The following UBE2R2 variants were observed in gnomAD, a reference collection of about 807,000 sequenced individuals.
UBE2R2 encodes the protein ubiquitin-conjugating enzyme E2 R2.
UBE2R2 carries 1 observed loss-of-function variant against 27.8 expected under a neutral mutation model. The observed-to-expected ratio is 0.04, with a 90% CI of 0.01 to 0.17. UBE2R2 has a LOEUF of 0.17. Among genes scored for constraint, UBE2R2 ranks in the 10% least tolerant of loss-of-function variants. The pLI, the probability that UBE2R2 is intolerant of heterozygous loss-of-function variation, is 1.00. For synonymous variants in UBE2R2, 106 were observed against 113.3 expected (o/e 0.94, Z 0.41); for missense variants, 100 against 291.0 (o/e 0.34, Z 4.78).
At chr9:33,890,503 G>C (rs1821955991) in intron 2 of UBE2R2, among the ~76,000 whole-genome samples, 1 of 151,764 alleles carries the variant, frequency 6.6e-6, no homozygotes, top group African/African-American at 2.4e-5. Flanking sequence ...GGGAGGCAGA[G>C]GTTGCAGTGA....
intron 1 of UBE2R2, among the ~76,000 whole-genome samples, chr9:33,851,475 T>C (rs1820965492): frequency 6.6e-6 from 1 of 152,134 alleles, no homozygotes; most frequent in African/African-American, 2.4e-5. Flanking sequence ...CAGCCTGTAA[T>C]TGTTCCTTAG....
chr9:33,904,618 G>C (rs1326558896), intron 3 of UBE2R2, among the ~76,000 whole-genome samples: 1 of 152,202 alleles, frequency 6.6e-6, no homozygotes, highest in Admixed American at 6.5e-5. Context: ...AAGTCAGTCT[G>C]TATTATCAGA....
intron 1 of UBE2R2, among the ~76,000 whole-genome samples, chr9:33,877,823 G>GTCTGTCTGTCTCTCTCTCTC: frequency 3.8e-5 from 5 of 131,124 alleles, no homozygotes; most frequent in African/African-American, 1.3e-4. Flanking sequence ...CTGTCTGTCT[G>GTCTGTCTGTCTCTCTCTCTC]TCTCTCTCTC....
intron 1 of UBE2R2, among the ~76,000 whole-genome samples, chr9:33,839,616 A>T (rs570352961): frequency 5.3e-5 from 8 of 152,296 alleles, no homozygotes; most frequent in Non-Finnish European, 1.2e-4. Context: ...GCAAGAAGGC[A>T]TCGTATATGA....
intron 1 of UBE2R2, among the ~76,000 whole-genome samples, chr9:33,832,505 A>G (rs1336332874): frequency 1.3e-5 from 2 of 151,830 alleles, no homozygotes; most frequent in Non-Finnish European, 2.9e-5. Context: ...AAATACAAAA[A>G]AATTAGCTGC....
At chr9:33,858,527 G>A (rs1821156576) in intron 1 of UBE2R2, among the ~76,000 whole-genome samples, 1 of 151,998 alleles carries the variant, frequency 6.6e-6, no homozygotes, top group African/African-American at 2.4e-5. Context: ...CAGTCTTCCT[G>A]TCTCAACCCA....
intron 1 of UBE2R2, among the ~76,000 whole-genome samples, chr9:33,872,978 C>A (rs1821519772): frequency 6.6e-6 from 1 of 151,836 alleles, no homozygotes; most frequent in Non-Finnish European, 1.5e-5. Context: ...AGTTTGAGAG[C>A]AGCCTGGCCA....
chr9:33,818,785 A>C (rs978050051), intron 1 of UBE2R2: 1 of 152,156 alleles, frequency 6.6e-6, no homozygotes, highest in African/African-American at 2.4e-5. Context: ...AAACCTGCTC[A>C]AGTGGTTAAC....
chr9:33,838,279 GT>G (rs11443878), intron 1 of UBE2R2, among the ~76,000 whole-genome samples: 2 of 137,186 alleles, frequency 1.5e-5, no homozygotes, highest in Non-Finnish European at 3.1e-5. Context: ...TTTTTTTCTT[GT>G]TTTTTTTTCG....
At chr9:33,833,874 G>A (rs990050099) in intron 1 of UBE2R2, among the ~76,000 whole-genome samples, 6 of 152,146 alleles carry the variant, frequency 3.9e-5, no homozygotes, top group South Asian at 2.1e-4. Context: ...TGGGCACCTT[G>A]TAGAAGTGGA....
In UBE2R2 at chr9:33,917,291, G is replaced by A. The variant is rs1822672025; in HGVS notation, c.*54G>A. The stretch of plus-strand genomic sequence containing the variant: ...CTGCCATCTCAGGCCAAAGGGAGGG[G>A]AGCAAGTGGGGACCTGGCCATGGCC... On this transcript the variant is annotated 3_prime_UTR_variant, in exon 5 of 5. Coordinates refer to ENST00000263228, the MANE Select transcript of UBE2R2 (RefSeq NM_017811.4). 1 of 1,602,078 alleles carries A rather than the reference G, an allele frequency of 6.2e-7. No individual in the cohort carries two copies. Among genetic ancestry groups the A allele is most frequent in the Non-Finnish European group, 8.5e-7 (1 of 1,175,120 alleles).
chr9:33,819,855 T>A (rs1289900297), intron 1 of UBE2R2, among the ~76,000 whole-genome samples: 1 of 152,190 alleles, frequency 6.6e-6, no homozygotes. Context: ...GCCAGGCCGG[T>A]CTCGAACTCC....
At chr9:33,846,471 C>T (rs1008671638) in intron 1 of UBE2R2, among the ~76,000 whole-genome samples, 7 of 152,012 alleles carry the variant, frequency 4.6e-5, no homozygotes, top group African/African-American at 7.3e-5. Flanking sequence ...ACATTCCTTG[C>T]GCCTAAAAGT....
chr9:33,897,689 C>T (rs764741990), intron 2 of UBE2R2, among the ~76,000 whole-genome samples: 5 of 151,916 alleles, frequency 3.3e-5, no homozygotes, highest in Admixed American at 6.6e-5. Context: ...CATCTCAAAG[C>T]TTCCTCAACA....
intron 2 of UBE2R2, among the ~76,000 whole-genome samples, chr9:33,891,101 G>C (rs1277831751): frequency 7.0e-6 from 1 of 143,604 alleles, no homozygotes; most frequent in African/African-American, 2.6e-5. Flanking sequence ...CCAGGCTAGA[G>C]TGCAATGGTG....
At chr9:33,847,473 A>G (rs958739841) in intron 1 of UBE2R2, among the ~76,000 whole-genome samples, 1 of 152,102 alleles carries the variant, frequency 6.6e-6, no homozygotes, top group Non-Finnish European at 1.5e-5. Flanking sequence ...GCTGCTTTTA[A>G]TATTTACTCT....
intron 4 of UBE2R2, among the ~76,000 whole-genome samples, chr9:33,912,526 A>C (rs1281403961): frequency 1.3e-5 from 2 of 152,040 alleles, no homozygotes; most frequent in East Asian, 3.9e-4. Flanking sequence ...CAGGAGGCTG[A>C]GGCAGGAGAA....
intron 2 of UBE2R2, among the ~76,000 whole-genome samples, chr9:33,895,201 T>A (rs1180960282): frequency 6.6e-6 from 1 of 152,254 alleles, no homozygotes; most frequent in African/African-American, 2.4e-5. Flanking sequence ...TCCAAGTCTT[T>A]GATCTATTTT....
intron 3 of UBE2R2, among the ~76,000 whole-genome samples, chr9:33,900,531 T>A (rs1291920630): frequency 2.6e-5 from 4 of 152,170 alleles, no homozygotes; most frequent in Non-Finnish European, 4.4e-5. Context: ...TACTCTTAAC[T>A]TATCCTAGTT....
Sources: gnomAD v4.1 joint callset for allele counts (sites outside exome capture counted in the v4.1 genomes callset) on GRCh38, gnomAD v4.1.1 for gene constraint, MANE v1.5 for transcripts, NCBI Gene and HGNC (gene_info 2026-07-23, HGNC 2026-07-21) for gene names.